Variants in MAF observed in about 807,000 individuals in gnomAD.
MAF encodes the protein MAF bZIP transcription factor, also known as transcription factor Maf.
MAF carries 10 observed loss-of-function variants against 22.0 expected under a neutral mutation model. That is an observed-to-expected ratio of 0.45 (90% CI 0.28 to 0.77). The LOEUF (loss-of-function observed/expected upper bound fraction) is 0.77. Ranked by LOEUF, MAF falls within the 30% of genes least tolerant of loss-of-function variation. The probability of loss-of-function intolerance (pLI) is 0.12; values close to 1 mark genes in which losing one functional copy is unlikely to be tolerated. For synonymous variants in MAF, 337 were observed against 255.8 expected, an observed-to-expected ratio of 1.32 and a Z score of -3.03; for missense variants, 544 against 548.4, an observed-to-expected ratio of 0.99 and a Z score of 0.08.
At chr16:79,560,561 T>C in the MAF span, among the ~76,000 whole-genome samples, 1 of 152,084 alleles carries the variant, frequency 6.6e-6, no homozygotes, top group Non-Finnish European at 1.5e-5. Context: ...ATTTGAGAAA[T>C]AGCAAATGCA....
chr16:79,470,730 A>G, the MAF span, among the ~76,000 whole-genome samples: 4 of 152,168 alleles, frequency 2.6e-5, no homozygotes, highest in African/African-American at 7.2e-5. Context: ...CCATTGTCCA[A>G]CACGATGCTG....
the MAF span, among the ~76,000 whole-genome samples, chr16:79,376,110 G>C: frequency 6.8e-6 from 1 of 147,486 alleles, no homozygotes; most frequent in Non-Finnish European, 1.5e-5. Flanking sequence ...TTGTTGGAGA[G>C]AAAAAAAAAA....
chr16:79,319,082 C>T, the MAF span, among the ~76,000 whole-genome samples: 2 of 152,030 alleles, frequency 1.3e-5, no homozygotes, highest in Non-Finnish European at 2.9e-5. Context: ...CAGCAGATTT[C>T]CCTTCATTTA....
At chr16:79,452,917 G>A in the MAF span, among the ~76,000 whole-genome samples, 2 of 152,318 alleles carry the variant, frequency 1.3e-5, no homozygotes, top group African/African-American at 2.4e-5. Flanking sequence ...CCACTCAGGC[G>A]AGCTGCCTGT....
chr16:79,577,474 C>G, the MAF span, among the ~76,000 whole-genome samples: 1 of 152,116 alleles, frequency 6.6e-6, no homozygotes, highest in African/African-American at 2.4e-5. Flanking sequence ...ATATCTGCCT[C>G]TCTATTCATT....
the MAF span, among the ~76,000 whole-genome samples, chr16:79,270,982 T>C: frequency 6.6e-6 from 1 of 150,480 alleles, no homozygotes; most frequent in Non-Finnish European, 1.5e-5. Flanking sequence ...CTCACTGCAA[T>C]CTCCGCCTCC....
At chr16:79,262,364 C>G in the MAF span, among the ~76,000 whole-genome samples, 1 of 152,170 alleles carries the variant, frequency 6.6e-6, no homozygotes, top group Non-Finnish European at 1.5e-5. Context: ...GGCTCTGTGC[C>G]TAAAGCAATA....
At chr16:79,566,802 C>G in the MAF span, among the ~76,000 whole-genome samples, 2 of 152,110 alleles carry the variant, frequency 1.3e-5, no homozygotes, top group East Asian at 3.9e-4. Flanking sequence ...GGACTCTCAC[C>G]CGGAGGGAAA....
the MAF span, among the ~76,000 whole-genome samples, chr16:79,523,454 C>T: frequency 6.6e-6 from 1 of 152,226 alleles, no homozygotes; most frequent in Admixed American, 6.5e-5. Flanking sequence ...ATTTTCATAA[C>T]AATCTATAAG....
chr16:79,594,970 C>T (rs1232049746), intron 1 of MAF: 8 of 1,089,132 alleles, frequency 7.3e-6, no homozygotes, highest in Non-Finnish European at 9.0e-6. Flanking sequence ...ATCCAGGCCT[C>T]ATTTGTCATG....
chr16:79,572,216 A>G, the MAF span, among the ~76,000 whole-genome samples: 1 of 152,130 alleles, frequency 6.6e-6, no homozygotes, highest in Non-Finnish European at 1.5e-5. Context: ...GTATCGGTGG[A>G]GGGGAGTCTG....
the MAF span, among the ~76,000 whole-genome samples, chr16:79,396,410 G>A: frequency 6.6e-6 from 1 of 152,212 alleles, no homozygotes; most frequent in Non-Finnish European, 1.5e-5. Flanking sequence ...GTTCAAAGAA[G>A]TGGAAACCAC....
the MAF span, among the ~76,000 whole-genome samples, chr16:79,533,336 C>G: frequency 6.6e-6 from 1 of 152,070 alleles, no homozygotes; most frequent in Non-Finnish European, 1.5e-5. Flanking sequence ...TTCCACCCAC[C>G]CCACTCCTTT....
chr16:79,488,334 C>T, the MAF span, among the ~76,000 whole-genome samples: 1 of 152,190 alleles, frequency 6.6e-6, no homozygotes, highest in African/African-American at 2.4e-5. Flanking sequence ...GTTAGGTCCT[C>T]TCCTCTCACC....
downstream of MAF, among the ~76,000 whole-genome samples, chr16:79,592,277 A>C (rs889146088): frequency 6.6e-6 from 1 of 152,256 alleles, no homozygotes; most frequent in Non-Finnish European, 1.5e-5. Context: ...GTGTTTCTTT[A>C]TGCCCTAACA....
chr16:79,290,677 CT>C, the MAF span, among the ~76,000 whole-genome samples: 1 of 152,058 alleles, frequency 6.6e-6, no homozygotes, highest in African/African-American at 2.4e-5. Flanking sequence ...AACGGGTGTG[CT>C]TTGAGACACT....
At chr16:79,385,040 G>A in the MAF span, among the ~76,000 whole-genome samples, 1 of 152,218 alleles carries the variant, frequency 6.6e-6, no homozygotes, top group South Asian at 2.1e-4. Flanking sequence ...TCTGAGAACA[G>A]CTATAGCCAT....
At chr16:79,518,003 T>C in the MAF span, among the ~76,000 whole-genome samples, 4 of 152,342 alleles carry the variant, frequency 2.6e-5, no homozygotes, top group South Asian at 2.1e-4. Context: ...TAGTTGCTTT[T>C]CCTCGTTGTG....
chr16:79,449,911 G>A, the MAF span, among the ~76,000 whole-genome samples: 1 of 152,150 alleles, frequency 6.6e-6, no homozygotes, highest in Non-Finnish European at 1.5e-5. Flanking sequence ...CAAGCTTATG[G>A]GCTTCCAACT....
Sources: allele counts gnomAD v4.1 joint callset (sites outside exome capture counted in the v4.1 genomes callset), GRCh38; gene constraint gnomAD v4.1.1; transcripts MANE v1.5; gene names NCBI Gene and HGNC (gene_info 2026-07-23, HGNC 2026-07-21).